The following KCNIP4 variants were observed in gnomAD, a reference collection of about 807,000 sequenced individuals.
The protein encoded by KCNIP4 is potassium voltage-gated channel interacting protein 4.
A neutral mutation model predicts 34.0 loss-of-function variants in KCNIP4; 12 were observed. That is an observed-to-expected ratio of 0.35 (90% CI 0.23 to 0.57). KCNIP4 has a LOEUF of 0.57. Among genes scored for constraint, KCNIP4 ranks in the 20% least tolerant of loss-of-function variants. The pLI is 0.83. For synonymous variants in KCNIP4, 124 were observed against 102.2 expected (o/e 1.21, Z -1.29); for missense variants, 238 against 311.7 (o/e 0.76, Z 1.78).
chr4:21,418,479 A>G (rs1287628198), intron 1 of KCNIP4, among the ~76,000 whole-genome samples: 1 of 151,324 alleles, frequency 6.6e-6, no homozygotes, highest in Non-Finnish European at 1.5e-5. Context: ...CCTGGGTGAC[A>G]AAGCAAGACT....
chr4:21,359,752 T>A (rs1392089568), intron 1 of KCNIP4, among the ~76,000 whole-genome samples: 2 of 152,122 alleles, frequency 1.3e-5, no homozygotes, highest in Non-Finnish European at 2.9e-5. Flanking sequence ...ATGATGCAGT[T>A]GTAACCACAC....
intron 1 of KCNIP4, among the ~76,000 whole-genome samples, chr4:20,887,161 G>A (rs1725405385): frequency 6.6e-6 from 1 of 151,902 alleles, no homozygotes; most frequent in Non-Finnish European, 1.5e-5. Flanking sequence ...GAGAACTACT[G>A]AAGAAAGGAT....
chr4:21,111,811 C>T (rs1028820308), intron 1 of KCNIP4, among the ~76,000 whole-genome samples: 3 of 152,066 alleles, frequency 2.0e-5, no homozygotes, highest in African/African-American at 7.2e-5. Context: ...ATGATGGAGA[C>T]CCAGACATGA....
At chr4:21,319,625 C>T (rs1359365407) in intron 1 of KCNIP4, among the ~76,000 whole-genome samples, 1 of 152,148 alleles carries the variant, frequency 6.6e-6, no homozygotes, top group Admixed American at 6.5e-5. Context: ...CTGGATAGTC[C>T]TCCCCTTGTG....
intron 1 of KCNIP4, among the ~76,000 whole-genome samples, chr4:21,218,185 T>TGGGA: frequency 6.6e-6 from 1 of 151,738 alleles, no homozygotes; most frequent in Non-Finnish European, 1.5e-5. Context: ...CTGGCTAATT[T>TGGGA]TGTATTTTTA....
At chr4:21,519,136 G>A (rs1735033929) in intron 1 of KCNIP4, among the ~76,000 whole-genome samples, 1 of 152,058 alleles carries the variant, frequency 6.6e-6, no homozygotes. Context: ...GATGGTATTA[G>A]GAGGTGGGGC....
chr4:21,817,289 T>A (rs1722044700), intron 1 of KCNIP4, among the ~76,000 whole-genome samples: 1 of 152,218 alleles, frequency 6.6e-6, no homozygotes, highest in Non-Finnish European at 1.5e-5. Context: ...AATACTTTTA[T>A]AATTTCTTAC....
chr4:21,762,713 C>T (rs1370519089), intron 1 of KCNIP4, among the ~76,000 whole-genome samples: 1 of 152,150 alleles, frequency 6.6e-6, no homozygotes, highest in Non-Finnish European at 1.5e-5. Context: ...TACAAGACAA[C>T]ATTTAAACAC....
chr4:20,770,948 A>G (rs1398177369), intron 3 of KCNIP4, among the ~76,000 whole-genome samples: 1 of 151,400 alleles, frequency 6.6e-6, no homozygotes, highest in African/African-American at 2.4e-5. Context: ...AAATAAATAA[A>G]TAAACAAACA....
At position 21,948,759 on chromosome 4, in the gene KCNIP4, T is replaced by C. The variant is rs1730647110; in HGVS notation, c.-128A>G. On this transcript the variant is annotated 5_prime_UTR_variant, in exon 1 of 9. Transcript: ENST00000382152. ...GTCCGTGGCGCTGGGAGCGAGAGCT[T>C]CGGCGGCGGCTGCGGGCAGGGCGCG... 1 of 1,177,534 alleles carries C rather than the reference T, an allele frequency of 8.5e-7. No individual in the cohort carries two copies. Among genetic ancestry groups the C allele is most frequent in the Non-Finnish European group, 1.1e-6 (1 of 942,530 alleles). The allele number at this position is 1,177,534 out of a possible 1,614,324, so 72.9% of individuals were successfully genotyped here.
At chr4:21,562,692 G>A (rs2109035480) in intron 1 of KCNIP4, among the ~76,000 whole-genome samples, 1 of 151,886 alleles carries the variant, frequency 6.6e-6, no homozygotes, top group Non-Finnish European at 1.5e-5. Context: ...TTTTCTAGAA[G>A]GCCAACAACA....
intron 1 of KCNIP4, among the ~76,000 whole-genome samples, chr4:21,652,094 G>A (rs1012995250): frequency 6.6e-6 from 1 of 152,018 alleles, no homozygotes; most frequent in African/African-American, 2.4e-5. Context: ...TTATTTATTT[G>A]CTCATCCATC....
In KCNIP4 at chr4:21,291,910, AG is replaced by A. The variant is rs1763529181; in HGVS notation, c.62-409202del. 2.3e-4 allele frequency among the ~76,000 whole-genome samples: 21 copies of A among 92,144 alleles called. 2 individuals carry two copies. Among genetic ancestry groups the A allele is most frequent in the African/African-American group, 8.5e-4 (11 of 12,878 alleles). The allele number at this position is 92,144 out of a possible 152,430, so 60.5% of individuals were successfully genotyped here. On this transcript the variant is annotated intron_variant, in intron 1 of 8. Transcript: ENST00000382152. ...AAGAAAGAAAGAAAGAAAGAAAGAA[AG>A]AAAGAAAGAAAGAAAGAAAGAAAGA...
chr4:20,756,222 A>G (rs1754424382), intron 4 of KCNIP4, among the ~76,000 whole-genome samples: 2 of 151,968 alleles, frequency 1.3e-5, no homozygotes, highest in Admixed American at 6.6e-5. Flanking sequence ...AACTCTGGCC[A>G]TAATAACAGA....
At chr4:21,937,926 T>C (rs1415087461) in intron 1 of KCNIP4, among the ~76,000 whole-genome samples, 1 of 152,168 alleles carries the variant, frequency 6.6e-6, no homozygotes, top group East Asian at 1.9e-4. Context: ...AATGTGGTCA[T>C]GCTGTGCTCT....
chr4:20,744,082 A>C (rs1413061803), intron 5 of KCNIP4, among the ~76,000 whole-genome samples: 1 of 152,352 alleles, frequency 6.6e-6, no homozygotes, highest in East Asian at 1.9e-4. Flanking sequence ...CACACCAGTT[A>C]GAATGACAAT....
chr4:20,988,010 A>AAAAAAAAAAAAC (rs1736744620), intron 1 of KCNIP4, among the ~76,000 whole-genome samples: 1 of 149,682 alleles, frequency 6.7e-6, no homozygotes, highest in African/African-American at 2.5e-5. Context: ...CAAAAAAAAA[A>AAAAAAAAAAAAC]AAAAAAAAAA....
rs11371014 is a variant in KCNIP4 at position 20,770,474 on chromosome 4, CA to C, written c.289-11585del. ...ATGATATCAGCCTAATAATATTGAC[CA>C]AAAAAAAAAATACCGAGTAAAGAAT... On this transcript the variant is annotated intron_variant, in intron 3 of 8. Transcript: ENST00000382152. Among the ~76,000 whole-genome samples the C allele has an allele frequency of 5.6e-3, 813 of 146,048 alleles. 7 individuals carry two copies. The highest frequency in any genetic ancestry group is 0.041 in the South Asian group (191 of 4,630).
intron 1 of KCNIP4, among the ~76,000 whole-genome samples, chr4:21,213,483 G>T (rs1381837126): frequency 6.6e-6 from 1 of 151,876 alleles, no homozygotes; most frequent in Non-Finnish European, 1.5e-5. Flanking sequence ...TGTATTTTTA[G>T]TAGAAATGGG....
Sources: gnomAD v4.1 joint callset for allele counts (sites outside exome capture counted in the v4.1 genomes callset) on GRCh38, gnomAD v4.1.1 for gene constraint, MANE v1.5 for transcripts, NCBI Gene and HGNC (gene_info 2026-07-23, HGNC 2026-07-21) for gene names.